Variants in MAGI1 observed in about 807,000 individuals in gnomAD.
MAGI1 encodes the protein membrane-associated guanylate kinase, WW and PDZ domain-containing protein 1.
In MAGI1, 58 loss-of-function variants were observed where a neutral mutation model predicts 139.9. The ratio of observed to expected loss-of-function variants is 0.41; its 90% confidence interval spans 0.34 to 0.52. The LOEUF (loss-of-function observed/expected upper bound fraction) is 0.52. MAGI1 is among the 20% of genes least tolerant of loss of function. The probability of loss-of-function intolerance (pLI) is 0.12; values close to 1 mark genes in which losing one functional copy is unlikely to be tolerated. For synonymous variants in MAGI1, 812 were observed against 737.9 expected, an observed-to-expected ratio of 1.10 and a Z score of -1.63; for missense variants, 1,874 against 1,901.6, an observed-to-expected ratio of 0.99 and a Z score of 0.27.
chr3:65,617,662 A>T (rs1014488747), intron 2 of MAGI1, among the ~76,000 whole-genome samples: 4 of 152,200 alleles, frequency 2.6e-5, no homozygotes, highest in Non-Finnish European at 5.9e-5. Flanking sequence ...CTTATCAGTC[A>T]TCTATGACCC....
At chr3:65,738,767 A>G (rs562077247) in intron 1 of MAGI1, among the ~76,000 whole-genome samples, 1 of 152,304 alleles carries the variant, frequency 6.6e-6, no homozygotes, top group African/African-American at 2.4e-5. Context: ...CATTGAAAGG[A>G]ATCTTTTTTC....
At chr3:66,031,431 G>T (rs770349493) in intron 1 of MAGI1, among the ~76,000 whole-genome samples, 14 of 152,144 alleles carry the variant, frequency 9.2e-5, no homozygotes, top group Admixed American at 3.9e-4. Flanking sequence ...TCTAAAACCA[G>T]CTGGGTAATG....
chr3:65,995,835 C>T (rs567649043), intron 1 of MAGI1, among the ~76,000 whole-genome samples: 10 of 152,106 alleles, frequency 6.6e-5, no homozygotes, highest in African/African-American at 2.2e-4. Flanking sequence ...AAAAATTGTG[C>T]GGCAATTAAA....
At chr3:65,989,902 T>C (rs2066078305) in intron 1 of MAGI1, among the ~76,000 whole-genome samples, 1 of 152,218 alleles carries the variant, frequency 6.6e-6, no homozygotes. Flanking sequence ...TGGGGAAAGT[T>C]AGCTGTCATA....
intron 1 of MAGI1, among the ~76,000 whole-genome samples, chr3:65,779,353 T>C (rs962857003): frequency 6.6e-6 from 1 of 152,206 alleles, no homozygotes; most frequent in Admixed American, 6.5e-5. Flanking sequence ...AATTTGCTTC[T>C]GGAAGGGCTC....
intron 1 of MAGI1, among the ~76,000 whole-genome samples, chr3:66,030,867 A>C (rs2068551766): frequency 6.6e-6 from 1 of 152,218 alleles, no homozygotes; most frequent in African/African-American, 2.4e-5. Context: ...CTATTTAATC[A>C]TAAAAGACAC....
chr3:65,941,884 C>G (rs2063332297), intron 1 of MAGI1, among the ~76,000 whole-genome samples: 1 of 152,142 alleles, frequency 6.6e-6, no homozygotes, highest in Admixed American at 6.5e-5. Context: ...CTCTGCCTCC[C>G]GGGCTCCATT....
rs77569612 is a variant in MAGI1, at chr3:65,949,297, G to A, written c.313+88699C>T. ...ACAGAGTAACCACCCACTAAACATTGTTGGACGAGGTGTTAAAGGTCAATT... is the reference window on the plus strand; with the variant it reads ...ACAGAGTAACCACCCACTAAACATTATTGGACGAGGTGTTAAAGGTCAATT... On this transcript the variant is annotated intron_variant, in intron 1 of 22. Transcript: ENST00000402939. Among the ~76,000 whole-genome samples, 1,443 of 152,238 alleles carry A rather than the reference G, an allele frequency of 9.5e-3. 25 individuals are homozygous for A. Among genetic ancestry groups the A allele is most frequent in the African/African-American group, 0.033 (1,355 of 41,518 alleles).
At chr3:65,718,899 T>C (rs1057380020) in intron 1 of MAGI1, among the ~76,000 whole-genome samples, 1 of 151,826 alleles carries the variant, frequency 6.6e-6, no homozygotes, top group African/African-American at 2.4e-5. Context: ...CCTTCCTCCC[T>C]TCCTTTCAAA....
intron 1 of MAGI1, among the ~76,000 whole-genome samples, chr3:65,745,871 C>A (rs1182141079): frequency 6.6e-6 from 1 of 151,940 alleles, no homozygotes; most frequent in African/African-American, 2.4e-5. Flanking sequence ...TGGGATTACA[C>A]GTGTGCACTA....
intron 2 of MAGI1, among the ~76,000 whole-genome samples, chr3:65,540,406 G>C (rs1235303045): frequency 6.6e-6 from 1 of 152,026 alleles, no homozygotes; most frequent in Non-Finnish European, 1.5e-5. Context: ...CATAATGTAA[G>C]CTTGGTTGAA....
At chr3:65,755,013 G>C (rs1045316480) in intron 1 of MAGI1, among the ~76,000 whole-genome samples, 14 of 151,746 alleles carry the variant, frequency 9.2e-5, no homozygotes, top group Non-Finnish European at 8.8e-5. Flanking sequence ...GAGTGCAGTG[G>C]TGTGATCTTG....
chr3:65,763,858 C>T (rs1434109586), intron 1 of MAGI1, among the ~76,000 whole-genome samples: 2 of 151,728 alleles, frequency 1.3e-5, no homozygotes, highest in African/African-American at 4.8e-5. Flanking sequence ...ATCACTTGAG[C>T]ACAGGAGTTC....
chr3:65,862,432 C>T (rs2059587183), intron 1 of MAGI1, among the ~76,000 whole-genome samples: 1 of 152,184 alleles, frequency 6.6e-6, no homozygotes, highest in East Asian at 1.9e-4. Context: ...CTGTGTTTCT[C>T]TCCTCTAGAT....
chr3:65,778,897 T>C (rs2038704154), intron 1 of MAGI1, among the ~76,000 whole-genome samples: 1 of 152,176 alleles, frequency 6.6e-6, no homozygotes, highest in South Asian at 2.1e-4. Flanking sequence ...AGGGGACATT[T>C]GGGGATGTCC....
intron 1 of MAGI1, among the ~76,000 whole-genome samples, chr3:65,684,986 A>G (rs1019916051): frequency 2.8e-5 from 4 of 144,834 alleles, no homozygotes; most frequent in Admixed American, 2.2e-4. Flanking sequence ...CCAAACTGCT[A>G]GGATTACAGG....
intron 1 of MAGI1, among the ~76,000 whole-genome samples, chr3:65,808,062 T>C (rs1048343035): frequency 2.0e-5 from 3 of 151,692 alleles, no homozygotes; most frequent in Non-Finnish European, 4.4e-5. Flanking sequence ...CTTGGCTCAC[T>C]GCAACCTCTG....
Position 65,361,282 on chromosome 3 carries a change from G to A in MAGI1, c.3551C>T (p.Ser1184Phe), listed in dbSNP as rs749957286. Residue 1184 changes from serine (S) to phenylalanine (F), a missense_variant, in exon 22 of 23, where the codon TCT (serine) becomes TTT (phenylalanine). By Grantham distance (155) the Ser-to-Phe change is radical. Transcript: ENST00000402939. ...ATTCTTAATCAGTTCTATAGCTCGA[G>A]AATGCTTCATGTTTTTGGTGGTCTC... ...NGETTKNMKH[S>F]RAIELIKNGG... 9.3e-6 allele frequency: 15 copies of A among 1,614,142 alleles called. No individual in the cohort carries two copies. In the Admixed American group the frequency reaches 2.5e-4, roughly 27 times the overall value.
chr3:65,666,570 G>T (rs1485461524), intron 1 of MAGI1, among the ~76,000 whole-genome samples: 1 of 152,190 alleles, frequency 6.6e-6, no homozygotes, highest in Non-Finnish European at 1.5e-5. Flanking sequence ...AGCCCTGAAG[G>T]GAAGATAGGA....
Sources: allele counts gnomAD v4.1 joint callset (sites outside exome capture counted in the v4.1 genomes callset), GRCh38; gene constraint gnomAD v4.1.1; transcripts MANE v1.5; gene names NCBI Gene and HGNC (gene_info 2026-07-23, HGNC 2026-07-21).